RIPOR3: variants seen among roughly 807,000 people sequenced by gnomAD.
The protein encoded by RIPOR3 is RIPOR family member 3.
In RIPOR3, 95 loss-of-function variants were observed where a neutral mutation model predicts 114.3. That is an observed-to-expected ratio of 0.83 (90% CI 0.70 to 0.99). The LOEUF (loss-of-function observed/expected upper bound fraction) is 0.99. Among genes scored for constraint, RIPOR3 ranks in the 50% least tolerant of loss-of-function variants. The probability of loss-of-function intolerance (pLI) is 0.00; values close to 1 mark genes in which losing one functional copy is unlikely to be tolerated. For synonymous variants in RIPOR3, 575 were observed against 543.8 expected (o/e 1.06, Z -0.80); for missense variants, 1,252 against 1,266.9 (o/e 0.99, Z 0.18).
intron 1 of RIPOR3, among the ~76,000 whole-genome samples, chr20:50,644,475 T>C (rs71350695): frequency 6.6e-6 from 1 of 152,010 alleles, no homozygotes; most frequent in African/African-American, 2.4e-5. Context: ...GATTGGTACA[T>C]ATTTCTTTTC....
intron 18 of RIPOR3, 89 bp from the exon 19 acceptor site, chr20:50,592,635 AC>A: frequency 2.5e-6 from 3 of 1,207,190 alleles, no homozygotes; most frequent in Non-Finnish European, 3.3e-6. Context: ...GCCAGTAGCC[AC>A]AGAGGAACAA....
intron 1 of RIPOR3, among the ~76,000 whole-genome samples, chr20:50,670,800 G>A (rs888062698): frequency 2.0e-5 from 3 of 152,214 alleles, no homozygotes; most frequent in African/African-American, 7.2e-5. Flanking sequence ...GGCTTCCTCT[G>A]GAAGGACAGG....
At chr20:50,667,246 C>T (rs2086279817) in intron 1 of RIPOR3, among the ~76,000 whole-genome samples, 1 of 149,636 alleles carries the variant, frequency 6.7e-6, no homozygotes, top group Admixed American at 6.6e-5. Flanking sequence ...TGTCCTTGAA[C>T]ATTTCAAAAT....
At chr20:50,592,046 C>T (rs1175214263) in intron 19 of RIPOR3, among the ~76,000 whole-genome samples, 1 of 152,182 alleles carries the variant, frequency 6.6e-6, no homozygotes, top group Non-Finnish European at 1.5e-5. Context: ...AAGATCGTGG[C>T]ACTGGACTCC....
intron 1 of RIPOR3, among the ~76,000 whole-genome samples, chr20:50,643,327 G>T (rs1410552943): frequency 1.3e-5 from 2 of 150,890 alleles, no homozygotes; most frequent in Non-Finnish European, 3.0e-5. Flanking sequence ...AGTAGAGTTG[G>T]GGTTTCACCA....
chr20:50,595,393 C>T lies in RIPOR3; in HGVS notation c.2026G>A (p.Gly676Ser), dbSNP rs769417167. ...CTCTCTTCAATGGATGTTGCCTTGC[C>T]GACCTTCTCAAAGTCAAGGACAGAA... Reference protein sequence around the residue: ...TLSVLDFEKVGKATSIEEIIP... With the variant: ...TLSVLDFEKVSKATSIEEIIP... Residue 676 changes from glycine (G) to serine (S), a missense_variant, in exon 16 of 22, where the codon GGC becomes AGC. By Grantham distance (56) the Gly-to-Ser change is moderately conservative. Transcript: ENST00000327979. 22 of 1,614,098 alleles carry T rather than the reference C, an allele frequency of 1.4e-5. No individual in the cohort carries two copies. The highest frequency in any genetic ancestry group is 1.3e-4 in the East Asian group (6 of 44,880).
intron 1 of RIPOR3, among the ~76,000 whole-genome samples, chr20:50,686,742 C>T (rs993504756): frequency 2.1e-5 from 3 of 146,128 alleles, no homozygotes; most frequent in African/African-American, 5.1e-5. Flanking sequence ...CAGAGCGAGA[C>T]TCTGTTAAAA....
intron 1 of RIPOR3, among the ~76,000 whole-genome samples, chr20:50,646,608 C>T (rs545099862): frequency 6.8e-4 from 103 of 152,300 alleles, no homozygotes; most frequent in African/African-American, 2.2e-3. Context: ...GGTATTGCAA[C>T]CCTGCTCTAC....
At chr20:50,616,608 T>C (rs996053658) in intron 3 of RIPOR3, among the ~76,000 whole-genome samples, 3 of 152,110 alleles carry the variant, frequency 2.0e-5, no homozygotes, top group Non-Finnish European at 4.4e-5. Context: ...CCTCCGAAAG[T>C]GCTGGGATTA....
intron 16 of RIPOR3, 155 bp from the exon 17 acceptor site, chr20:50,594,869 TGAGC>T: frequency 1.3e-6 from 1 of 796,744 alleles, no homozygotes; most frequent in Non-Finnish European, 1.9e-6. Flanking sequence ...ATGTGACACG[TGAGC>T]AACTTTGGCT....
In RIPOR3 at chr20:50,587,321, G is replaced by A. The variant is rs373302861; in HGVS notation, c.2764C>T (p.Arg922Trp). The A allele has an allele frequency of 6.7e-5, 108 of 1,613,942 alleles. 1 individual carries two copies. The highest frequency in any genetic ancestry group is 4.8e-4 in the Admixed American group (29 of 60,022). ...TTGTCCATCTTCTCAAAAGCTAACC[G>A]TCCTTTTTCACCTGAAATAGCAAAG... ...ETTLSFGEKG[R>W]LAFEKMDKLC... Residue 922 changes from arginine to tryptophan, a missense_variant, in exon 22 of 22, where the codon CGG becomes TGG. Coordinates refer to ENST00000327979, the MANE Select transcript of RIPOR3 (RefSeq NM_001290268.2).
chr20:50,625,089 G>A (rs920752466), intron 2 of RIPOR3, among the ~76,000 whole-genome samples: 1 of 144,622 alleles, frequency 6.9e-6, no homozygotes, highest in Admixed American at 6.9e-5. Flanking sequence ...TTTTTTAATT[G>A]AGACAAGGTC....
intron 2 of RIPOR3, among the ~76,000 whole-genome samples, chr20:50,628,529 A>G (rs1490577569): frequency 1.3e-5 from 2 of 151,352 alleles, no homozygotes; most frequent in African/African-American, 2.4e-5. Flanking sequence ...GCGCAGATCC[A>G]CTTCTTCTGT....
intron 8 of RIPOR3, 129 bp downstream of exon 8, chr20:50,609,164 C>T (rs2083852008): frequency 7.6e-7 from 1 of 1,310,776 alleles, no homozygotes; most frequent in African/African-American, 1.5e-5. Context: ...CCAGAAGTCA[C>T]ATGTCACATG....
intron 13 of RIPOR3, among the ~76,000 whole-genome samples, chr20:50,598,579 T>C (rs774274596): frequency 1.3e-5 from 2 of 152,134 alleles, no homozygotes; most frequent in African/African-American, 2.4e-5. Context: ...TACAAAAATA[T>C]AGGCATACAT....
At chr20:50,670,307 G>A (rs910163090) in intron 1 of RIPOR3, among the ~76,000 whole-genome samples, 2 of 152,088 alleles carry the variant, frequency 1.3e-5, no homozygotes, top group Non-Finnish European at 2.9e-5. Flanking sequence ...TTGGGCATCG[G>A]ACTTGGCTAG....
chr20:50,599,066 ATG>A (rs1253953284), intron 13 of RIPOR3, among the ~76,000 whole-genome samples: 2 of 152,126 alleles, frequency 1.3e-5, no homozygotes, highest in African/African-American at 4.8e-5. Flanking sequence ...AGAACTTTGT[ATG>A]TGTCTTTTGG....
At chr20:50,682,339 G>A (rs1007169430) in intron 1 of RIPOR3, among the ~76,000 whole-genome samples, 1 of 152,236 alleles carries the variant, frequency 6.6e-6, no homozygotes, top group Admixed American at 6.5e-5. Flanking sequence ...TGGGCACCAT[G>A]GCTCACACCT....
At chr20:50,614,452 C>T (rs1270033606) in intron 4 of RIPOR3, among the ~76,000 whole-genome samples, 1 of 152,212 alleles carries the variant, frequency 6.6e-6, no homozygotes, top group Admixed American at 6.5e-5. Flanking sequence ...CTGGGAAACA[C>T]TGGCTGGGAG....
Sources: gnomAD v4.1 joint callset for allele counts (sites outside exome capture counted in the v4.1 genomes callset) on GRCh38, gnomAD v4.1.1 for gene constraint, MANE v1.5 for transcripts, NCBI Gene and HGNC (gene_info 2026-07-23, HGNC 2026-07-21) for gene names.